Variants in DGKB observed in about 807,000 individuals in gnomAD.
DGKB encodes diacylglycerol kinase beta, also known as 90 kDa diacylglycerol kinase.
Under a neutral mutation model 114.3 loss-of-function variants are expected in DGKB, and 67 were observed. The ratio of observed to expected loss-of-function variants is 0.59; its 90% CI spans 0.48 to 0.72. The LOEUF (loss-of-function observed/expected upper bound fraction) is 0.72. Ranked by LOEUF, DGKB falls within the 30% of genes least tolerant of loss-of-function variation. DGKB has a pLI of 0.00. For synonymous variants in DGKB, 398 were observed against 323.1 expected (o/e 1.23, Z -2.49); for missense variants, 907 against 975.2 (o/e 0.93, Z 0.93).
At chr7:14,522,041 C>A (rs1298348004) in intron 20 of DGKB, among the ~76,000 whole-genome samples, 2 of 152,110 alleles carry the variant, frequency 1.3e-5, no homozygotes, top group South Asian at 2.1e-4. Flanking sequence ...TTAAGCTTTG[C>A]GTCCTAAGGG....
intron 17 of DGKB, among the ~76,000 whole-genome samples, chr7:14,587,381 T>TA (rs879332817): frequency 1.3e-5 from 2 of 152,096 alleles, no homozygotes; most frequent in Non-Finnish European, 2.9e-5. Context: ...AATTGACTTT[T>TA]AGAGATAAGC....
rs1366350148 is a variant in DGKB at position 14,147,228 on chromosome 7, T to A, written c.*1903A>T. ...CTGGATTACTCTTCTGCCAAACAACTTTTTTATTTTATACCAGCGCAAGTG... is the reference window on the plus strand; with the variant it reads ...CTGGATTACTCTTCTGCCAAACAACATTTTTATTTTATACCAGCGCAAGTG... On this transcript the variant is annotated 3_prime_UTR_variant, in exon 26 of 26. Coordinates refer to ENST00000402815, the MANE Select transcript of DGKB (RefSeq NM_001350709.2). 1 of 152,194 alleles carries A rather than the reference T, an allele frequency of 6.6e-6. No individual in the cohort carries two copies. Among genetic ancestry groups the A allele is most frequent in the Non-Finnish European group, 1.5e-5 (1 of 68,008 alleles). 9.4% of individuals were successfully genotyped at this position (152,194 alleles called of 1,614,324 possible).
intron 1 of DGKB, among the ~76,000 whole-genome samples, chr7:14,858,441 A>G (rs534933448): frequency 1.3e-5 from 2 of 152,346 alleles, no homozygotes; most frequent in Admixed American, 6.5e-5. Flanking sequence ...GAAAATATGT[A>G]CAGAAAAATA....
intron 13 of DGKB, among the ~76,000 whole-genome samples, chr7:14,638,463 T>C (rs568237101): frequency 2.0e-5 from 3 of 152,304 alleles, no homozygotes; most frequent in Non-Finnish European, 4.4e-5. Flanking sequence ...CTGTCTGATA[T>C]ATTTTTTCTT....
At chr7:14,667,821 G>A (rs925420763) in intron 13 of DGKB, among the ~76,000 whole-genome samples, 9 of 151,970 alleles carry the variant, frequency 5.9e-5, no homozygotes, top group South Asian at 2.1e-4. Flanking sequence ...TTTTTATTCC[G>A]TGACAAGAAA....
At chr7:14,238,484 T>C (rs1045400795) in intron 23 of DGKB, among the ~76,000 whole-genome samples, 1 of 92,208 alleles carries the variant, frequency 1.1e-5, no homozygotes, top group Non-Finnish European at 2.1e-5. Flanking sequence ...AAAAACAGAC[T>C]AATACTTTTG....
intron 1 of DGKB, among the ~76,000 whole-genome samples, chr7:14,871,997 C>G (rs217561): frequency 6.6e-6 from 1 of 152,060 alleles, no homozygotes; most frequent in Non-Finnish European, 1.5e-5. Flanking sequence ...CAGCGATCTT[C>G]AAGACAGAAC....
intron 23 of DGKB, among the ~76,000 whole-genome samples, chr7:14,294,436 G>A (rs929365758): frequency 2.0e-5 from 3 of 152,096 alleles, no homozygotes; most frequent in Admixed American, 6.6e-5. Flanking sequence ...ACCAAGCATG[G>A]AGACCCTGCA....
intron 7 of DGKB, among the ~76,000 whole-genome samples, chr7:14,698,654 T>C (rs906790425): frequency 6.6e-6 from 1 of 152,148 alleles, no homozygotes; most frequent in Non-Finnish European, 1.5e-5. Flanking sequence ...AGAAGAGTGT[T>C]CAGGGCCAAG....
In DGKB at chr7:14,392,995, G is replaced by GTTTTTGTTTTTGTTTTTTTTT; in HGVS notation, c.1836-47605_1836-47604insAAAAAAAAACAAAAACAAAAA. ...CAAAACAGACCTGTTTTTTGTTTTT[G>GTTTTTGTTTTTGTTTTTTTTT]TTTTTTTTTTTTTGAGACGGAGTCT... On this transcript the variant is annotated intron_variant, in intron 21 of 25. Coordinates refer to ENST00000402815, the MANE Select transcript of DGKB (RefSeq NM_001350709.2). Among the ~76,000 whole-genome samples, 24 of 60,548 alleles carry GTTTTTGTTTTTGTTTTTTTTT rather than the reference G, an allele frequency of 4.0e-4. 3 individuals carry two copies. Among genetic ancestry groups the GTTTTTGTTTTTGTTTTTTTTT allele is most frequent in the East Asian group, 1.6e-3 (3 of 1,886 alleles). 39.7% of individuals were successfully genotyped at this position (60,548 alleles called of 152,430 possible).
intron 23 of DGKB, among the ~76,000 whole-genome samples, chr7:14,329,582 G>C (rs149927634): frequency 6.6e-6 from 1 of 151,948 alleles, no homozygotes; most frequent in African/African-American, 2.4e-5. Context: ...CTTTTTAATA[G>C]TTCTTTCATG....
intron 21 of DGKB, among the ~76,000 whole-genome samples, chr7:14,404,636 C>G (rs370700046): frequency 6.6e-6 from 1 of 151,808 alleles, no homozygotes; most frequent in South Asian, 2.1e-4. Flanking sequence ...ACAAAACTTC[C>G]CAAGGCCATG....
intron 21 of DGKB, among the ~76,000 whole-genome samples, chr7:14,352,031 A>C (rs1307854827): frequency 6.6e-6 from 1 of 152,178 alleles, no homozygotes; most frequent in South Asian, 2.1e-4. Flanking sequence ...TCTAGACAAC[A>C]GGTAGAGATA....
Position 14,718,531 on chromosome 7 carries a change from G to C in DGKB, c.466+11C>G. 6.3e-7 allele frequency: 1 copy of C among 1,596,138 alleles called. No homozygotes were observed. Among genetic ancestry groups the C allele is most frequent in the Non-Finnish European group, 8.5e-7 (1 of 1,173,650 alleles). ...AATCACGATAAGTAAACAAAATGAA[G>C]AAACACATACACTCAAGCTTATCCT... is the stretch of plus-strand genomic sequence containing the variant. On this transcript the variant is annotated intron_variant, in intron 6 of 25. Coordinates refer to ENST00000402815, the MANE Select transcript of DGKB (RefSeq NM_001350709.2).
intron 2 of DGKB, among the ~76,000 whole-genome samples, chr7:14,828,954 C>T (rs188486169): frequency 1.3e-5 from 2 of 152,028 alleles, no homozygotes; most frequent in Admixed American, 6.6e-5. Context: ...CCAGAACTTG[C>T]AACCAGACTA....
intron 17 of DGKB, 39 bp from the exon 18 acceptor site, chr7:14,583,176 T>A: frequency 7.9e-7 from 1 of 1,266,114 alleles, no homozygotes; most frequent in African/African-American, 1.5e-5. Flanking sequence ...ATTAATAGTT[T>A]AAAAATAAGA....
chr7:14,951,444 C>T lies in DGKB; in HGVS notation c.-188+23252G>A, dbSNP rs148020717. Among the ~76,000 whole-genome samples the T allele has an allele frequency of 3.9e-5, 6 of 151,906 alleles. No individual in the cohort carries two copies. The East Asian group carries it at 5.8e-4, about 15-fold the overall frequency. On this transcript the variant is annotated intron_variant, in intron 1 of 4. Transcript: ENST00000437998. The stretch of plus-strand genomic sequence containing the variant: ...ATATTATTCAAATTATATAAGATCC[C>T]GGAAAAGGCTATGAAGACAGTAAAA...
intron 20 of DGKB, among the ~76,000 whole-genome samples, chr7:14,572,891 T>A (rs1479269667): frequency 6.6e-6 from 1 of 152,184 alleles, no homozygotes; most frequent in Non-Finnish European, 1.5e-5. Flanking sequence ...AGTAAGTCCT[T>A]TGTGAGATTT....
At chr7:14,821,498 G>A (rs923093614) in intron 2 of DGKB, among the ~76,000 whole-genome samples, 1 of 152,020 alleles carries the variant, frequency 6.6e-6, no homozygotes, top group African/African-American at 2.4e-5. Context: ...CATTTCAGCC[G>A]AAAACTGAAA....
Sources: allele counts gnomAD v4.1 joint callset (sites outside exome capture counted in the v4.1 genomes callset), GRCh38; gene constraint gnomAD v4.1.1; transcripts MANE v1.5; gene names NCBI Gene and HGNC (gene_info 2026-07-23, HGNC 2026-07-21).